Variants in MAD1L1 observed in about 807,000 individuals in gnomAD.
MAD1L1 encodes mitotic spindle assembly checkpoint protein MAD1.
A neutral mutation model predicts 96.9 loss-of-function variants in MAD1L1; 95 were observed. The ratio of observed to expected loss-of-function variants is 0.98; its 90% confidence interval spans 0.83 to 1.16. The LOEUF (loss-of-function observed/expected upper bound fraction) is 1.16. Ranked by LOEUF, MAD1L1 falls within the 50% of genes most tolerant of loss-of-function variation. MAD1L1 has a pLI of 0.00. For missense variants in MAD1L1, 1,007 were observed against 954.4 expected, an observed-to-expected ratio of 1.06 and a Z score of -0.73; for synonymous variants, 473 against 396.6, an observed-to-expected ratio of 1.19 and a Z score of -2.29.
At chr7:2,052,653 A>G (rs1471001296) in intron 12 of MAD1L1, among the ~76,000 whole-genome samples, 1 of 152,192 alleles carries the variant, frequency 6.6e-6, no homozygotes, top group African/African-American at 2.4e-5. Context: ...GGTCATACCT[A>G]TCCTTTTTAA....
At chr7:2,209,029 A>C (rs1792747269) in intron 10 of MAD1L1, among the ~76,000 whole-genome samples, 1 of 152,170 alleles carries the variant, frequency 6.6e-6, no homozygotes, top group Non-Finnish European at 1.5e-5. Flanking sequence ...ACGTGTGTTC[A>C]CGCAGGCTCA....
intron 16 of MAD1L1, among the ~76,000 whole-genome samples, chr7:1,942,067 C>T (rs1779027487): frequency 6.6e-6 from 1 of 152,204 alleles, no homozygotes; most frequent in Non-Finnish European, 1.5e-5. Context: ...TCCACGCGTT[C>T]GTTCCTGCCA....
intron 18 of MAD1L1, among the ~76,000 whole-genome samples, chr7:1,863,731 C>T (rs543681971): frequency 1.3e-5 from 2 of 152,182 alleles, no homozygotes; most frequent in Admixed American, 6.5e-5. Flanking sequence ...CCTGCAGTCC[C>T]GGAACACCGT....
At chr7:2,047,306 GC>G (rs2128515010) in intron 12 of MAD1L1, among the ~76,000 whole-genome samples, 1 of 152,288 alleles carries the variant, frequency 6.6e-6, no homozygotes, top group East Asian at 1.9e-4. Context: ...AACCCTGGGG[GC>G]CTGTCTGCAG....
At chr7:1,854,904 C>A (rs1784166877) in intron 18 of MAD1L1, among the ~76,000 whole-genome samples, 1 of 152,246 alleles carries the variant, frequency 6.6e-6, no homozygotes, top group Non-Finnish European at 1.5e-5. Context: ...CCCCGAGGGG[C>A]AAGTCCCGTG....
At position 1,893,556 on chromosome 7, in the gene MAD1L1, GTCTCCCTGC is replaced by G. The variant is rs1192822058; in HGVS notation, c.1998+4635_1998+4643del. Among the ~76,000 whole-genome samples the G allele has an allele frequency of 2.0e-5, 3 of 152,244 alleles. No individual in the cohort carries two copies. The East Asian group carries it at 5.8e-4, about 30-fold the overall frequency. On this transcript the variant is annotated intron_variant, in intron 18 of 18. Coordinates refer to ENST00000265854, the MANE Select transcript of MAD1L1 (RefSeq NM_001013836.2). ...GTGGAGTGGGTGGGGCAGGGGGCCT[GTCTCCCTGC>G]TCTCCCTGCCCTCCCACACTGGCCT...
chr7:1,829,978 T>TCCC (rs1429945582), intron 18 of MAD1L1, among the ~76,000 whole-genome samples: 1 of 151,942 alleles, frequency 6.6e-6, no homozygotes, highest in Non-Finnish European at 1.5e-5. Context: ...TGGAAATATC[T>TCCC]CCCCCCAAAT....
intron 18 of MAD1L1, among the ~76,000 whole-genome samples, chr7:1,897,685 C>T (rs1398404128): frequency 6.6e-6 from 1 of 152,266 alleles, no homozygotes; most frequent in Non-Finnish European, 1.5e-5. Flanking sequence ...ACCAGAAGAG[C>T]GCCTGCTGGC....
intron 11 of MAD1L1, among the ~76,000 whole-genome samples, chr7:2,140,322 T>C (rs1428491040): frequency 2.0e-5 from 3 of 152,190 alleles, no homozygotes; most frequent in Admixed American, 6.5e-5. Flanking sequence ...GCCCTGCACA[T>C]GTTCTTACAC....
intron 11 of MAD1L1, among the ~76,000 whole-genome samples, chr7:2,099,348 C>T (rs941287315): frequency 1.3e-5 from 2 of 152,236 alleles, no homozygotes; most frequent in South Asian, 4.1e-4. Flanking sequence ...AGTTGTTTCC[C>T]GCAGCCCCTG....
At chr7:2,174,778 C>A (rs1028750460) in intron 10 of MAD1L1, among the ~76,000 whole-genome samples, 1 of 152,196 alleles carries the variant, frequency 6.6e-6, no homozygotes, top group African/African-American at 2.4e-5. Flanking sequence ...TTTTATCTCA[C>A]TGAGGATGCT....
chr7:2,015,900 C>G (rs1397605691), intron 12 of MAD1L1, among the ~76,000 whole-genome samples: 1 of 152,220 alleles, frequency 6.6e-6, no homozygotes, highest in Non-Finnish European at 1.5e-5. Flanking sequence ...TCTCAGCAGC[C>G]TCTGCTGAGG....
intron 10 of MAD1L1, 44 bp downstream of exon 10, chr7:2,213,168 C>G (rs775807229): frequency 7.5e-6 from 12 of 1,603,220 alleles, no homozygotes; most frequent in East Asian, 4.5e-5. Flanking sequence ...CACCCAGGAC[C>G]CTTCAAAGAA....
intron 10 of MAD1L1, among the ~76,000 whole-genome samples, chr7:2,196,758 G>A (rs541132019): frequency 1.9e-4 from 29 of 152,248 alleles, no homozygotes; most frequent in Non-Finnish European, 3.2e-4. Context: ...CTCTTCAGAA[G>A]TCAGAAGGCC....
At chr7:1,980,113 G>A (rs983097137) in intron 15 of MAD1L1, among the ~76,000 whole-genome samples, 1 of 152,208 alleles carries the variant, frequency 6.6e-6, no homozygotes, top group Admixed American at 6.5e-5. Context: ...GCCTGGAGAG[G>A]GGGACAGGAG....
intron 18 of MAD1L1, among the ~76,000 whole-genome samples, chr7:1,836,634 T>C (rs1235469835): frequency 6.6e-6 from 1 of 152,216 alleles, no homozygotes; most frequent in African/African-American, 2.4e-5. Context: ...AAGATGTCAA[T>C]TATCCCCAAA....
intron 3 of MAD1L1, among the ~76,000 whole-genome samples, chr7:2,227,836 G>A (rs1793982542): frequency 6.6e-6 from 1 of 152,202 alleles, no homozygotes; most frequent in Non-Finnish European, 1.5e-5. Flanking sequence ...GACCGGCAGG[G>A]ACCAGGAGTC....
intron 11 of MAD1L1, among the ~76,000 whole-genome samples, chr7:2,132,170 TC>T (rs1471624156): frequency 6.6e-6 from 1 of 152,190 alleles, no homozygotes; most frequent in Non-Finnish European, 1.5e-5. Context: ...TATTCTTTTT[TC>T]AAGCAATTAT....
chr7:2,010,766 C>T (rs11771625), intron 13 of MAD1L1, among the ~76,000 whole-genome samples: 51,493 of 152,072 alleles, frequency 0.34, 9,720 homozygotes, highest in East Asian at 0.6. Flanking sequence ...GCGACTACCC[C>T]GAGCCCACCT....
Sources: allele counts gnomAD v4.1 joint callset (sites outside exome capture counted in the v4.1 genomes callset), GRCh38; gene constraint gnomAD v4.1.1; transcripts MANE v1.5; gene names NCBI Gene and HGNC (gene_info 2026-07-23, HGNC 2026-07-21).